KIAA1549: variants seen among roughly 807,000 people sequenced by gnomAD.
The protein encoded by KIAA1549 is UPF0606 protein KIAA1549.
In KIAA1549, 70 loss-of-function variants were observed where a neutral mutation model predicts 156.4. That is an observed-to-expected ratio of 0.45 (90% confidence interval 0.37 to 0.55). The LOEUF is 0.55. Among genes scored for constraint, KIAA1549 ranks in the 20% least tolerant of loss-of-function variants. KIAA1549 has a pLI of 0.00. For synonymous variants in KIAA1549, 1,103 were observed against 1,066.4 expected, an observed-to-expected ratio of 1.03 and a Z score of -0.67; for missense variants, 2,428 against 2,540.9, an observed-to-expected ratio of 0.96 and a Z score of 0.96.
chr7:138,894,498 C>T lies in KIAA1549; in HGVS notation c.3876G>A (p.Pro1292=). 1 of 1,613,972 alleles carries T rather than the reference C, an allele frequency of 6.2e-7. No individual in the cohort carries two copies. The highest frequency in any genetic ancestry group is 8.5e-7 in the Non-Finnish European group (1 of 1,179,886). Residue 1292 remains proline, a synonymous_variant, in exon 10 of 20, where the codon CCG becomes CCA. Coordinates refer to ENST00000422774, the MANE Select transcript of KIAA1549 (RefSeq NM_001164665.2). The part of the protein sequence containing the change: ...QPVDRVKRPS[P]ESQSNNLWVI... ...CCCACAAGTTGTTGCTCTGGGATTC[C>T]GGAGACGGCCTCTTCACCCTGTCGA...
At chr7:138,947,522 T>C (rs945598210) in intron 1 of KIAA1549, among the ~76,000 whole-genome samples, 1 of 152,202 alleles carries the variant, frequency 6.6e-6, no homozygotes, top group Non-Finnish European at 1.5e-5. Context: ...ACCTCCACTA[T>C]ATACTTTGTT....
At chr7:138,945,052 C>T (rs1031631919) in intron 1 of KIAA1549, among the ~76,000 whole-genome samples, 1 of 152,170 alleles carries the variant, frequency 6.6e-6, no homozygotes, top group African/African-American at 2.4e-5. Context: ...GGGTCAAATA[C>T]AAAAACCTCC....
chr7:138,981,360 C>T lies in KIAA1549; in HGVS notation c.-91G>A, dbSNP rs1158473770. ...TGCGGCTGCGGCTGGGACGGGGCGC[C>T]GCGCACCGGCGCGGAGGGAGGCCGG... On this transcript the variant is annotated 5_prime_UTR_variant, in exon 1 of 20. Coordinates refer to ENST00000422774, the MANE Select transcript of KIAA1549 (RefSeq NM_001164665.2). The surrounding 1 kb of genome is among the most constrained non-coding windows in gnomAD (Gnocchi z 4.5). 3 of 447,938 alleles carry T rather than the reference C, an allele frequency of 6.7e-6. No homozygotes were observed. The highest frequency in any genetic ancestry group is 2.1e-5 in the African/African-American group (1 of 46,568). The allele number at this position is 447,938 out of a possible 1,614,324, so 27.7% of individuals were successfully genotyped here.
At chr7:138,844,290 A>C in intron 18 of KIAA1549, 27 bp downstream of exon 18, 1 of 1,613,680 alleles carries the variant, frequency 6.2e-7, no homozygotes, top group Non-Finnish European at 8.5e-7. Flanking sequence ...CGTAGCTCAG[A>C]AATGGAAGCT....
At position 138,916,902 on chromosome 7, in the gene KIAA1549, G is replaced by T. The variant is rs762927211; in HGVS notation, c.2724C>A (p.Ser908Arg). The change falls in exon 2 of 20, where the codon AGC (serine) becomes AGA (arginine). Residue 908 changes from serine to arginine, a missense_variant. This residue lies in a region of KIAA1549 where 762 missense variants were observed against 901.6 expected (regional missense o/e 0.85). Coordinates refer to ENST00000422774, the MANE Select transcript of KIAA1549 (RefSeq NM_001164665.2). ...GAGGAGCAGCACTACTCTCTGGGGGGCTCTGACTTGCGGCGTCACCCATCA... is the reference window on the plus strand; with the variant it reads ...GAGGAGCAGCACTACTCTCTGGGGGTCTCTGACTTGCGGCGTCACCCATCA... ...STLMGDAASQ[S>R]PPESSAAPPL... The T allele has an allele frequency of 2.5e-6, 4 of 1,613,542 alleles. No homozygotes were observed. In the South Asian group the frequency reaches 3.3e-5, roughly 13 times the overall value.
intron 12 of KIAA1549, among the ~76,000 whole-genome samples, chr7:138,877,251 T>G (rs9918678): frequency 6.6e-6 from 1 of 152,146 alleles, no homozygotes; most frequent in African/African-American, 2.4e-5. Context: ...CCCAGCACTT[T>G]GGGAGGCCGA....
intron 14 of KIAA1549, 50 bp from the exon 15 acceptor site, chr7:138,868,178 A>G (rs763634267): frequency 1.9e-6 from 3 of 1,564,322 alleles, no homozygotes; most frequent in Non-Finnish European, 2.6e-6. Flanking sequence ...CCTTTTTGCC[A>G]CTGACTTACC....
intron 9 of KIAA1549, among the ~76,000 whole-genome samples, chr7:138,897,659 C>G (rs1202305518): frequency 6.6e-6 from 1 of 151,746 alleles, no homozygotes; most frequent in Non-Finnish European, 1.5e-5. Flanking sequence ...CTTGGGAGGT[C>G]AAGGTGGGAG....
In KIAA1549 at chr7:138,857,362, T is replaced by G. The variant is rs542164445; in HGVS notation, c.5247+3777A>C. On this transcript the variant is annotated intron_variant, in intron 16 of 19. Transcript: ENST00000422774. ...TATATTCGTAAATGGAGTGCTATTA[T>G]GTGCTGCTGTTTTCTTTGGGTCTAT... Among the ~76,000 whole-genome samples the G allele has an allele frequency of 3.9e-5, 6 of 152,376 alleles. No individual in the cohort carries two copies. In the South Asian group the frequency reaches 1.2e-3, roughly 32 times the overall value.
intron 1 of KIAA1549, among the ~76,000 whole-genome samples, chr7:138,974,891 A>C (rs1056168991): frequency 1.3e-5 from 2 of 151,902 alleles, no homozygotes; most frequent in Non-Finnish European, 2.9e-5. Context: ...CTGGAGATTT[A>C]CATAGCTCCA....
rs1030009930 is a variant in KIAA1549 at position 138,901,474 on chromosome 7, C to T, written c.3669+2114G>A. ...CTGAAGAGGTGGGATTACAGGCACA[C>T]ACCACCATGCCCAGATAATTTTTGT... On this transcript the variant is annotated intron_variant, in intron 8 of 19. Coordinates refer to ENST00000422774, the MANE Select transcript of KIAA1549 (RefSeq NM_001164665.2). Among the ~76,000 whole-genome samples, 11 of 152,020 alleles carry T rather than the reference C, an allele frequency of 7.2e-5. No individual in the cohort carries two copies. In the South Asian group the frequency reaches 8.3e-4, roughly 12 times the overall value.
At chr7:138,915,673 C>T (rs912601202) in intron 2 of KIAA1549, among the ~76,000 whole-genome samples, 12 of 152,014 alleles carry the variant, frequency 7.9e-5, no homozygotes, top group African/African-American at 2.9e-4. Context: ...TCCTCTCCTT[C>T]CCGGTCCACT....
At chr7:138,856,198 ATT>A (rs35974085) in intron 16 of KIAA1549, among the ~76,000 whole-genome samples, 1 of 144,140 alleles carries the variant, frequency 6.9e-6, no homozygotes, top group Non-Finnish European at 1.5e-5. Context: ...CGCCCAGCGA[ATT>A]TTTTTTTTTT....
intron 4 of KIAA1549, among the ~76,000 whole-genome samples, chr7:138,910,690 A>G (rs958630643): frequency 6.9e-6 from 1 of 144,490 alleles, no homozygotes; most frequent in African/African-American, 2.6e-5. Flanking sequence ...GAGCCATCGC[A>G]CTTGGTCTAA....
Position 138,894,282 on chromosome 7 carries a change from T to C in KIAA1549, c.4032+60A>G, listed in dbSNP as rs1318844423. On this transcript the variant is annotated intron_variant, in intron 10 of 19. Coordinates refer to ENST00000422774, the MANE Select transcript of KIAA1549 (RefSeq NM_001164665.2). The stretch of plus-strand genomic sequence containing the variant: ...TTTCAGTATCAAGAGCCCAAACTCA[T>C]CCTATCCCTGCCCCACAAAACTGCT... 1.9e-6 allele frequency: 3 copies of C among 1,541,194 alleles called. No homozygotes were observed. In the African/African-American group the frequency reaches 4.1e-5, roughly 21 times the overall value.
At chr7:138,960,413 A>G (rs1813807570) in intron 1 of KIAA1549, among the ~76,000 whole-genome samples, 1 of 150,922 alleles carries the variant, frequency 6.6e-6, no homozygotes, top group South Asian at 2.1e-4. Context: ...GGTTCAAGCG[A>G]TTCTCCTGCC....
chr7:138,853,271 G>C (rs1425047481), intron 16 of KIAA1549, among the ~76,000 whole-genome samples: 1 of 152,152 alleles, frequency 6.6e-6, no homozygotes, highest in Non-Finnish European at 1.5e-5. Flanking sequence ...TACTGAATTA[G>C]TATTTTGAGT....
intron 15 of KIAA1549, among the ~76,000 whole-genome samples, chr7:138,864,039 T>C (rs1160777384): frequency 6.6e-6 from 1 of 152,006 alleles, no homozygotes; most frequent in Non-Finnish European, 1.5e-5. Context: ...ACCACCAACC[T>C]AGAGCTCACG....
rs750266834 is a variant in KIAA1549, at chr7:138,903,726, G to A, written c.3531C>T (p.Gly1177=). ...CATTCTGGAGTTGCTTCTCCATGAC[G>A]CCCAGGAGAACTACATTTAAATGAA... The part of the protein sequence containing the change: ...KSSWVRTVLL[G]VMEKQLQNEV... Residue 1177 remains glycine (G), a synonymous_variant, in exon 8 of 20, where the codon GGC becomes GGT. Transcript: ENST00000422774. 2 of 1,594,210 alleles carry A rather than the reference G, an allele frequency of 1.3e-6. No individual in the cohort carries two copies. Among genetic ancestry groups the A allele is most frequent in the Non-Finnish European group, 1.7e-6 (2 of 1,170,552 alleles).
Sources: gnomAD v4.1 joint callset for allele counts (sites outside exome capture counted in the v4.1 genomes callset) on GRCh38, gnomAD v4.1.1 for gene constraint, gnomAD v4.1.1 regional missense constraint, Gnocchi (gnomAD v3.1) non-coding constraint, MANE v1.5 for transcripts, NCBI Gene and HGNC (gene_info 2026-07-23, HGNC 2026-07-21) for gene names.